FGD4: variants seen among roughly 807,000 people sequenced by gnomAD.
FGD4 encodes FYVE, RhoGEF and PH domain-containing protein 4.
Under a neutral mutation model 102.0 loss-of-function variants are expected in FGD4, and 42 were observed. That is an observed-to-expected ratio of 0.41 (90% CI 0.32 to 0.53). FGD4 has a LOEUF of 0.53. FGD4 is among the 20% of genes least tolerant of loss of function. FGD4 has a pLI of 0.21. For missense variants in FGD4, 902 were observed against 1,078.2 expected, an observed-to-expected ratio of 0.84 and a Z score of 2.29; for synonymous variants, 380 against 375.7, an observed-to-expected ratio of 1.01 and a Z score of -0.13.
intron 1 of FGD4, among the ~76,000 whole-genome samples, chr12:32,428,869 C>T (rs773419514): frequency 6.6e-6 from 1 of 152,148 alleles, no homozygotes; most frequent in Admixed American, 6.5e-5. Context: ...TATTTTTCAC[C>T]TCCATCAGGT....
At chr12:32,459,469 A>G (rs1384247921) in intron 1 of FGD4, among the ~76,000 whole-genome samples, 1 of 152,006 alleles carries the variant, frequency 6.6e-6, no homozygotes, top group Non-Finnish European at 1.5e-5. Context: ...CTGGGATTAT[A>G]GGCATGAGCT....
At chr12:32,551,428 T>C (rs1943660490) in intron 1 of FGD4, among the ~76,000 whole-genome samples, 1 of 152,236 alleles carries the variant, frequency 6.6e-6, no homozygotes, top group South Asian at 2.1e-4. Flanking sequence ...GCAACCTAGG[T>C]GGATACTATT....
chr12:32,625,953 A>C (rs576952678), intron 14 of FGD4, among the ~76,000 whole-genome samples, 174 bp downstream of exon 14: 2 of 152,356 alleles, frequency 1.3e-5, no homozygotes, highest in Admixed American at 6.5e-5. Context: ...GTTAGACAAA[A>C]TGTTCCCTGG....
chr12:32,505,720 C>T (rs768738259), intron 1 of FGD4, among the ~76,000 whole-genome samples: 7 of 152,296 alleles, frequency 4.6e-5, no homozygotes, highest in South Asian at 2.1e-4. Flanking sequence ...CAAATAACCA[C>T]GGCTCTGTAC....
intron 8 of FGD4, among the ~76,000 whole-genome samples, chr12:32,608,856 C>A (rs188334580): frequency 6.6e-6 from 1 of 152,080 alleles, no homozygotes; most frequent in Non-Finnish European, 1.5e-5. Flanking sequence ...AGACGAAGTA[C>A]GTAAAACATT....
chr12:32,450,713 C>T (rs1217937497), intron 1 of FGD4, among the ~76,000 whole-genome samples: 1 of 152,210 alleles, frequency 6.6e-6, no homozygotes, highest in Non-Finnish European at 1.5e-5. Context: ...TTCATACACA[C>T]GTACACATTT....
rs139815510 is a variant in FGD4, at chr12:32,609,189, C to T, written c.1543+1094C>T. Among the ~76,000 whole-genome samples, 5 of 152,316 alleles carry T rather than the reference C, an allele frequency of 3.3e-5. No homozygotes were observed. The East Asian group carries it at 9.7e-4, about 29-fold the overall frequency. On this transcript the variant is annotated intron_variant, in intron 8 of 16. Transcript: ENST00000534526. ...CTGATCCTTAGCCTTTTCTAGAACA[C>T]AAGCTGTCTCAGATGTGTTTCTCCC...
Position 32,449,480 on chromosome 12 carries a change from C to T in FGD4, c.166+49521C>T, listed in dbSNP as rs1368595843. 3.3e-5 allele frequency among the ~76,000 whole-genome samples: 5 copies of T among 152,292 alleles called. No individual in the cohort carries two copies. In the East Asian group the frequency reaches 9.6e-4, roughly 29 times the overall value. ...AAGGCCAAATGTTTTGTAGAATGTC[C>T]TTAAACTTGGGTTTATCTGAGGTTT... On this transcript the variant is annotated intron_variant, in intron 1 of 16. Transcript: ENST00000534526.
intron 1 of FGD4, among the ~76,000 whole-genome samples, chr12:32,444,303 G>GT (rs1942546061): frequency 6.6e-6 from 1 of 152,030 alleles, no homozygotes; most frequent in Non-Finnish European, 1.5e-5. Flanking sequence ...GGTTACAGGC[G>GT]TGACCCACTG....
intron 4 of FGD4, among the ~76,000 whole-genome samples, chr12:32,585,825 A>C (rs1946976783): frequency 8.3e-6 from 1 of 120,648 alleles, no homozygotes; most frequent in African/African-American, 3.8e-5. Context: ...CAGAGCTGAG[A>C]CCTTGTCTCA....
chr12:32,625,530 A>C, intron 13 of FGD4, 124 bp from the exon 14 acceptor site: 1 of 1,282,732 alleles, frequency 7.8e-7, no homozygotes, highest in South Asian at 1.3e-5. Context: ...TCAGCTTCCG[A>C]AAGTGCTGGG....
intron 1 of FGD4, among the ~76,000 whole-genome samples, chr12:32,558,476 T>C (rs1944290599): frequency 6.6e-6 from 1 of 152,168 alleles, no homozygotes. Context: ...TCATGGACAC[T>C]GTGGTAAGAG....
intron 1 of FGD4, among the ~76,000 whole-genome samples, chr12:32,422,413 C>T (rs973554283): frequency 1.3e-5 from 2 of 149,444 alleles, no homozygotes; most frequent in Non-Finnish European, 3.0e-5. Flanking sequence ...ATTCTCCTGC[C>T]TCAGCCTCCC....
At chr12:32,445,077 G>A (rs1942572928) in intron 1 of FGD4, among the ~76,000 whole-genome samples, 2 of 152,184 alleles carry the variant, frequency 1.3e-5, no homozygotes, top group African/African-American at 4.8e-5. Flanking sequence ...TGTGCCAAAA[G>A]TGATGAATTA....
intron 1 of FGD4, among the ~76,000 whole-genome samples, chr12:32,408,834 T>C (rs1941070410): frequency 6.6e-6 from 1 of 152,224 alleles, no homozygotes; most frequent in African/African-American, 2.4e-5. Context: ...TTCTTGGTTC[T>C]GATGACCTGA....
chr12:32,594,891 C>T (rs1457230369), intron 4 of FGD4, among the ~76,000 whole-genome samples: 1 of 151,990 alleles, frequency 6.6e-6, no homozygotes, highest in East Asian at 1.9e-4. Flanking sequence ...ATTAGCTGGG[C>T]ATGGTGGCAC....
At chr12:32,590,277 T>C (rs1445041551) in intron 4 of FGD4, among the ~76,000 whole-genome samples, 5 of 133,160 alleles carry the variant, frequency 3.8e-5, no homozygotes, top group Non-Finnish European at 7.7e-5. Context: ...GCCATCGCAC[T>C]CCAGCCTGGG....
At chr12:32,533,220 C>A (rs1011398146) in intron 1 of FGD4, among the ~76,000 whole-genome samples, 4 of 152,090 alleles carry the variant, frequency 2.6e-5, no homozygotes, top group Non-Finnish European at 2.9e-5. Context: ...CCACCATGCA[C>A]TGAATCTGAC....
chr12:32,426,067 C>T (rs949956257), intron 1 of FGD4, among the ~76,000 whole-genome samples: 3 of 152,154 alleles, frequency 2.0e-5, no homozygotes, highest in Admixed American at 2.0e-4. Flanking sequence ...CCTTCTCTTG[C>T]CTGATTGCCC....
Sources: gnomAD v4.1 joint callset for allele counts (sites outside exome capture counted in the v4.1 genomes callset) on GRCh38, gnomAD v4.1.1 for gene constraint, MANE v1.5 for transcripts, NCBI Gene and HGNC (gene_info 2026-07-23, HGNC 2026-07-21) for gene names.